Variants in CENPX observed in about 807,000 individuals in gnomAD.
CENPX encodes centromere protein X.
In CENPX, 13 loss-of-function variants were observed where a neutral mutation model predicts 13.2. That is an observed-to-expected ratio of 0.98 (90% CI 0.64 to 1.56). The LOEUF is 1.56. Among genes scored for constraint, CENPX ranks in the 40% most tolerant of loss-of-function variants. CENPX has a pLI of 0.00. For synonymous variants in CENPX, 66 were observed against 47.2 expected, an observed-to-expected ratio of 1.40 and a Z score of -1.63; for missense variants, 138 against 107.5, an observed-to-expected ratio of 1.28 and a Z score of -1.26.
chr17:82,021,803 G>T (rs907119028), intron 1 of CENPX, among the ~76,000 whole-genome samples: 1 of 152,244 alleles, frequency 6.6e-6, no homozygotes, highest in African/African-American at 2.4e-5. Context: ...ACCACCCAGT[G>T]AGGTGGCCCA....
chr17:82,018,970 T>A lies in CENPX; in HGVS notation c.*235A>T. 2.1e-6 allele frequency: 1 copy of A among 472,310 alleles called. No individual in the cohort carries two copies. The highest frequency in any genetic ancestry group is 3.5e-6 in the Non-Finnish European group (1 of 283,750). The allele number at this position is 472,310 out of a possible 1,614,324, so 29.3% of individuals were successfully genotyped here. ...TGTCCCAGGGAGGAGAGGCAGGGAC[T>A]CCCCAGGTGCTGCCCCTTCCCACAC... On this transcript the variant is annotated 3_prime_UTR_variant, in exon 5 of 5. Coordinates refer to ENST00000392359, the MANE Select transcript of CENPX (RefSeq NM_001271006.2).
rs546321272 is a variant in CENPX at position 82,019,254 on chromosome 17, C to T, written c.232-35G>A. The T allele has an allele frequency of 2.4e-5, 39 of 1,596,518 alleles. No individual in the cohort carries two copies. In the African/African-American group the frequency reaches 3.1e-4, roughly 13 times the overall value. On this transcript the variant is annotated intron_variant, in intron 4 of 4. Transcript: ENST00000392359. ...AGAGAAGCACTTAGGGCCAGCCAGC[C>T]GGGCACCCCCACTTGCGCCCCGACC...
intron 1 of CENPX, 27 bp from the exon 2 acceptor site, chr17:82,019,936 A>C (rs764031919): frequency 3.9e-6 from 6 of 1,534,118 alleles, no homozygotes; most frequent in East Asian, 2.4e-5. Flanking sequence ...TGTCAGCGCC[A>C]CGCCCCGCCC....
chr17:82,020,949 G>A (rs1267392780), intron 1 of CENPX, among the ~76,000 whole-genome samples: 1 of 152,180 alleles, frequency 6.6e-6, no homozygotes, highest in African/African-American at 2.4e-5. Context: ...CAGTGAGGTG[G>A]CCCAGGCCAG....
intron 1 of CENPX, among the ~76,000 whole-genome samples, chr17:82,021,394 C>T (rs901640079): frequency 1.3e-5 from 2 of 152,256 alleles, no homozygotes; most frequent in African/African-American, 2.4e-5. Context: ...TATCTCCCCA[C>T]CTGCTCCGGG....
Position 82,018,830 on chromosome 17 carries a change from G to C in CENPX, c.*375C>G. Reference sequence around the variant, plus strand: ...ACGCCAGCTTTGATGTCGGGTGGCAGGAATGTGGGCAGGAGGCAGCGCTGC... The same window carrying C: ...ACGCCAGCTTTGATGTCGGGTGGCACGAATGTGGGCAGGAGGCAGCGCTGC... On this transcript the variant is annotated 3_prime_UTR_variant, in exon 5 of 5. Coordinates refer to ENST00000392359, the MANE Select transcript of CENPX (RefSeq NM_001271006.2). 1 of 326,340 alleles carries C rather than the reference G, an allele frequency of 3.1e-6. No individual in the cohort carries two copies. Among genetic ancestry groups the C allele is most frequent in the Non-Finnish European group, 5.6e-6 (1 of 179,190 alleles). The allele number at this position is 326,340 out of a possible 1,614,324, so 20.2% of individuals were successfully genotyped here. A position where few individuals can be genotyped will look rare whatever the true frequency, so the allele number is the denominator to read the frequency against.
intron 1 of CENPX, among the ~76,000 whole-genome samples, chr17:82,022,140 G>A (rs546815453): frequency 1.4e-4 from 21 of 152,328 alleles, no homozygotes; most frequent in African/African-American, 1.9e-4. Flanking sequence ...GGGGTCCTCT[G>A]CACATGGCAC....
At chr17:82,019,456 G>C in intron 3 of CENPX, 75 bp from the exon 4 acceptor site, 1 of 1,513,418 alleles carries the variant, frequency 6.6e-7, no homozygotes, top group East Asian at 2.5e-5. Context: ...CCTCAGCCTG[G>C]GCCGGTGCCC....
chr17:82,019,529 G>C lies in CENPX; in HGVS notation c.142+112C>G, dbSNP rs1247045811. On this transcript the variant is annotated intron_variant, in intron 3 of 4. Transcript: ENST00000392359. ...CAGCACCTGACAAACAGGCTCAGGA[G>C]ACCCAAGTTTAGGCCCTTGTGGGAA... The C allele has an allele frequency of 3.3e-6, 5 of 1,537,148 alleles. No homozygotes were observed. The East Asian group carries it at 1.2e-4, about 38-fold the overall frequency.
Position 82,018,977 on chromosome 17 carries a change from G to A in CENPX, c.*228C>T, listed in dbSNP as rs1054062437. On this transcript the variant is annotated 3_prime_UTR_variant, in exon 5 of 5. Transcript: ENST00000392359. ...GGGAGGAGAGGCAGGGACTCCCCAG[G>A]TGCTGCCCCTTCCCACACCAGTGTC... 2.0e-6 allele frequency: 1 copy of A among 505,736 alleles called. No homozygotes were observed. Among genetic ancestry groups the A allele is most frequent in the Non-Finnish European group, 3.2e-6 (1 of 309,060 alleles). The allele number at this position is 505,736 out of a possible 1,614,324, so 31.3% of individuals were successfully genotyped here. A position where few individuals can be genotyped will look rare whatever the true frequency, so the allele number is the denominator to read the frequency against.
intron 1 of CENPX, 124 bp from the exon 2 acceptor site, chr17:82,020,033 T>C (rs1441356817): frequency 1.6e-4 from 152 of 954,480 alleles, no homozygotes; most frequent in Non-Finnish European, 2.2e-4. Context: ...CCTGAGCCTC[T>C]CCCAGGGCAG....
Position 82,019,397 on chromosome 17 carries a change from CGA to C in CENPX, c.143-18_143-17del, listed in dbSNP as rs1568007403. The C allele has an allele frequency of 6.5e-7, 1 of 1,539,290 alleles. No individual in the cohort carries two copies. The highest frequency in any genetic ancestry group is 8.7e-7 in the Non-Finnish European group (1 of 1,144,954). ...ACTGCTGCTTCTGCGGTGAGAAACGCGAGAGGTGGGGGATGCTGGGGGGATCT... is the reference window on the plus strand; with the variant it reads ...ACTGCTGCTTCTGCGGTGAGAAACGCGAGGTGGGGGATGCTGGGGGGATCT... On this transcript the variant is annotated splice_polypyrimidine_tract_variant and intron_variant, in intron 3 of 4. Coordinates refer to ENST00000392359, the MANE Select transcript of CENPX (RefSeq NM_001271006.2).
At chr17:82,021,409 C>G (rs1028843578) in intron 1 of CENPX, among the ~76,000 whole-genome samples, 23 of 152,258 alleles carry the variant, frequency 1.5e-4, no homozygotes, top group African/African-American at 4.6e-4. Context: ...TCCGGGACCC[C>G]CAACACTGCT....
rs375655101 is a variant in CENPX at position 82,022,869 on chromosome 17, G to A, written c.-8C>T. 41 of 1,589,000 alleles carry A rather than the reference G, an allele frequency of 2.6e-5. No homozygotes were observed. Among genetic ancestry groups the A allele is most frequent in the South Asian group, 3.4e-5 (3 of 88,208 alleles). On this transcript the variant is annotated 5_prime_UTR_variant, in exon 1 of 5. Coordinates refer to ENST00000392359, the MANE Select transcript of CENPX (RefSeq NM_001271006.2). ...AGCTCCTGCTCCCTCCATGACCGCA[G>A]CCTCAACGCGCGCCCACCGGAACCC...
intron 1 of CENPX, among the ~76,000 whole-genome samples, chr17:82,020,540 G>A (rs1288756172): frequency 1.3e-5 from 2 of 152,174 alleles, no homozygotes; most frequent in African/African-American, 4.8e-5. Context: ...TGGGCCAGAC[G>A]CTGAGGGCCC....
Position 82,019,888 on chromosome 17 carries a change from G to A in CENPX, c.58C>T (p.His20Tyr), listed in dbSNP as rs751693583. ...GTCTTGTCATCCTTGAAGTGCAGGT[G>A]CAGCAGCCTGCTCACCAGCTCCTAG... ...FRKELVSRLL[H>Y]LHFKDDKTKV... Residue 20 changes from histidine to tyrosine, a missense_variant, in exon 2 of 5, where the codon CAC (histidine) becomes TAC (tyrosine). Transcript: ENST00000392359. 2 of 1,599,186 alleles carry A rather than the reference G, an allele frequency of 1.3e-6. No individual in the cohort carries two copies. Among genetic ancestry groups the A allele is most frequent in the Non-Finnish European group, 1.7e-6 (2 of 1,170,332 alleles).
At chr17:82,019,514 C>A in intron 3 of CENPX, 127 bp downstream of exon 3, 1 of 1,525,898 alleles carries the variant, frequency 6.6e-7, no homozygotes, top group Non-Finnish European at 8.8e-7. Context: ...CAGCACCTGA[C>A]AAACAGGCTC....
rs2043218252 is a variant in CENPX, at chr17:82,018,886, C to T, written c.*319G>A. On this transcript the variant is annotated 3_prime_UTR_variant, in exon 5 of 5. Transcript: ENST00000392359. ...GCTGTTTGTCAAACACACAGGCTAC[C>T]TGCTGGCCAGGCCTTTCCCAGCACC... The T allele has an allele frequency of 7.9e-6, 3 of 379,218 alleles. No individual in the cohort carries two copies. In the East Asian group the frequency reaches 1.1e-4, roughly 14 times the overall value. 23.5% of individuals were successfully genotyped at this position (379,218 alleles called of 1,614,324 possible).
Position 82,019,142 on chromosome 17 carries a change from A to G in CENPX, c.*63T>C. ...CCTCTTATCAGAGGCCGCTGGAAAC[A>G]CAAGGCCTGCTTCTGTGGACCAGGG... On this transcript the variant is annotated 3_prime_UTR_variant, in exon 5 of 5. Transcript: ENST00000392359. 6.7e-7 allele frequency: 1 copy of G among 1,502,636 alleles called. No individual in the cohort carries two copies. Among genetic ancestry groups the G allele is most frequent in the South Asian group, 1.4e-5 (1 of 73,300 alleles). 93.1% of individuals were successfully genotyped at this position (1,502,636 alleles called of 1,614,324 possible). A position where few individuals can be genotyped will look rare whatever the true frequency, so the allele number is the denominator to read the frequency against.
Sources: allele counts gnomAD v4.1 joint callset (sites outside exome capture counted in the v4.1 genomes callset), GRCh38; gene constraint gnomAD v4.1.1; transcripts MANE v1.5; gene names NCBI Gene and HGNC (gene_info 2026-07-23, HGNC 2026-07-21).